The following DPYSL3 variants were observed in gnomAD, a reference collection of about 807,000 sequenced individuals.
The protein encoded by DPYSL3 is dihydropyrimidinase like 3, also known as dihydropyrimidinase-related protein 3.
A neutral mutation model predicts 66.1 loss-of-function variants in DPYSL3; 16 were observed. The ratio of observed to expected loss-of-function variants is 0.24; its 90% CI spans 0.16 to 0.37. DPYSL3 has a LOEUF of 0.37. Ranked by LOEUF, DPYSL3 falls within the 10% of genes least tolerant of loss-of-function variation. DPYSL3 has a pLI of 1.00. For missense variants in DPYSL3, 738 were observed against 916.2 expected, an observed-to-expected ratio of 0.81 and a Z score of 2.51; for synonymous variants, 338 against 345.1, an observed-to-expected ratio of 0.98 and a Z score of 0.23.
chr5:147,442,268 C>G (rs957843256), intron 1 of DPYSL3, among the ~76,000 whole-genome samples: 1 of 152,222 alleles, frequency 6.6e-6, no homozygotes, highest in African/African-American at 2.4e-5. Flanking sequence ...TGTTTCCTCT[C>G]CAGCTGCGTA....
At chr5:147,461,445 C>T (rs1561796568) in intron 1 of DPYSL3, among the ~76,000 whole-genome samples, 1 of 152,146 alleles carries the variant, frequency 6.6e-6, no homozygotes, top group African/African-American at 2.4e-5. Flanking sequence ...CCATTTGGGA[C>T]CCCTCTCTCT....
chr5:147,495,628 T>G (rs1753489592), intron 1 of DPYSL3, among the ~76,000 whole-genome samples: 1 of 152,164 alleles, frequency 6.6e-6, no homozygotes, highest in Non-Finnish European at 1.5e-5. Flanking sequence ...AGCCAAATCA[T>G]GAGTGAACTC....
chr5:147,465,191 C>G (rs1271904473), intron 1 of DPYSL3, among the ~76,000 whole-genome samples: 1 of 152,098 alleles, frequency 6.6e-6, no homozygotes, highest in Non-Finnish European at 1.5e-5. Context: ...GAGATCCTGT[C>G]TCTCTCAAAA....
rs1379907448 is a variant in DPYSL3 at position 147,412,667 on chromosome 5, G to C, written c.904C>G (p.Leu302Val). 1 of 1,612,310 alleles carries C rather than the reference G, an allele frequency of 6.2e-7. No homozygotes were observed. The highest frequency in any genetic ancestry group is 8.5e-7 in the Non-Finnish European group (1 of 1,179,220). Residue 302 changes from leucine (L) to valine (V), a missense_variant, in exon 6 of 14, where the codon CTG (leucine) becomes GTG (valine). Physicochemically the swap from Leu to Val is conservative, Grantham distance 32. Transcript: ENST00000343218. ...TGAGCAATGGCCCCCAGCTCTCCCA[G>C]GCAGGTGAAGATCTCATAGAGCTGA... The part of the protein sequence containing the change: ...NTELYEIFTC[L>V]GELGAIAQVH...
At chr5:147,404,392 C>T (rs6861479) in intron 8 of DPYSL3, among the ~76,000 whole-genome samples, 9,137 of 152,302 alleles carry the variant, frequency 0.06, 885 homozygotes, top group African/African-American at 0.2. Context: ...CATCTGAACA[C>T]TCAGCCATCA....
At chr5:147,424,656 T>G (rs150603882) in intron 2 of DPYSL3, among the ~76,000 whole-genome samples, 403 of 152,338 alleles carry the variant, frequency 2.6e-3, no homozygotes, top group African/African-American at 8.2e-3. Context: ...GTGCACATTT[T>G]CCAGTATCCT....
chr5:147,509,776 T>C lies in DPYSL3; in HGVS notation c.83A>G (p.Gln28Arg). ...GCCGCCGTATTTCTGCCGCGGGACCTGGTCCGTGGTGCCCGGCCTGGCCAG... is the reference window on the plus strand; with the variant it reads ...GCCGCCGTATTTCTGCCGCGGGACCCGGTCCGTGGTGCCCGGCCTGGCCAG... ...VYLARPGTTD[Q>R]VPRQKYGGMF... is the part of the protein sequence containing the mutation. Residue 28 changes from glutamine (Q) to arginine (R), a missense_variant, in exon 1 of 14, where the codon CAG (glutamine) becomes CGG (arginine). Coordinates refer to ENST00000343218, the MANE Select transcript of DPYSL3 (RefSeq NM_001197294.2). The surrounding 1 kb of genome is among the most constrained non-coding windows in gnomAD (Gnocchi z 5.3). 1 of 1,535,976 alleles carries C rather than the reference T, an allele frequency of 6.5e-7. No homozygotes were observed. The highest frequency in any genetic ancestry group is 8.7e-7 in the Non-Finnish European group (1 of 1,146,796).
chr5:147,458,205 G>A (rs1237647112), intron 1 of DPYSL3, among the ~76,000 whole-genome samples: 2 of 152,040 alleles, frequency 1.3e-5, no homozygotes, highest in African/African-American at 4.8e-5. Flanking sequence ...AGAGGAGGTC[G>A]GCACAAGATA....
intron 11 of DPYSL3, 141 bp from the exon 12 acceptor site, chr5:147,397,986 C>T: frequency 1.2e-6 from 1 of 825,312 alleles, no homozygotes; most frequent in South Asian, 2.3e-5. Context: ...TGCAAGCATC[C>T]AGTGGGTAGA....
intron 3 of DPYSL3, among the ~76,000 whole-genome samples, chr5:147,417,619 A>T (rs1318856603): frequency 1.3e-5 from 2 of 152,180 alleles, no homozygotes; most frequent in African/African-American, 4.8e-5. Context: ...GTTTGGGGCC[A>T]GCACTGGGAT....
At chr5:147,397,229 G>GAAAC (rs10649833) in intron 12 of DPYSL3, among the ~76,000 whole-genome samples, 67,767 of 150,562 alleles carry the variant, frequency 0.45, 15,986 homozygotes, top group African/African-American at 0.56. Context: ...TAAAATCAGA[G>GAAAC]AAATAAAGTT....
intron 1 of DPYSL3, among the ~76,000 whole-genome samples, chr5:147,500,184 T>C (rs145130832): frequency 2.5e-3 from 375 of 152,284 alleles, no homozygotes; most frequent in African/African-American, 8.6e-3. Context: ...CTGGACTATA[T>C]TAAAATTAAA....
chr5:147,455,597 T>A (rs1752836833), intron 1 of DPYSL3, among the ~76,000 whole-genome samples: 1 of 152,184 alleles, frequency 6.6e-6, no homozygotes, highest in Admixed American at 6.5e-5. Flanking sequence ...CAGGATTATA[T>A]TTAGAACAGA....
chr5:147,428,543 C>T (rs1752243652), intron 1 of DPYSL3, among the ~76,000 whole-genome samples: 1 of 152,042 alleles, frequency 6.6e-6, no homozygotes, highest in South Asian at 2.1e-4. Flanking sequence ...AATCAAACCC[C>T]ACTGGACACA....
chr5:147,406,391 C>G (rs1355304377), intron 7 of DPYSL3, among the ~76,000 whole-genome samples: 3 of 152,214 alleles, frequency 2.0e-5, no homozygotes, highest in Non-Finnish European at 4.4e-5. Context: ...AGCTGAGGCT[C>G]TCTCAGATGG....
intron 1 of DPYSL3, among the ~76,000 whole-genome samples, chr5:147,476,755 A>C (rs1043568196): frequency 1.3e-5 from 2 of 152,200 alleles, no homozygotes; most frequent in African/African-American, 4.8e-5. Flanking sequence ...GTAACAATAG[A>C]AGACCCTCAG....
intron 1 of DPYSL3, among the ~76,000 whole-genome samples, chr5:147,480,433 T>C (rs973662570): frequency 4.6e-5 from 7 of 151,910 alleles, no homozygotes; most frequent in African/African-American, 9.7e-5. Flanking sequence ...ACTTCCAACA[T>C]GTGTATAATC....
At chr5:147,480,964 C>T (rs1456031332) in intron 1 of DPYSL3, among the ~76,000 whole-genome samples, 1 of 152,012 alleles carries the variant, frequency 6.6e-6, no homozygotes, top group Non-Finnish European at 1.5e-5. Flanking sequence ...TCAGGTGATC[C>T]ACCCACCTTG....
intron 1 of DPYSL3, among the ~76,000 whole-genome samples, chr5:147,447,789 G>T (rs1752654596): frequency 6.6e-6 from 1 of 152,160 alleles, no homozygotes; most frequent in South Asian, 2.1e-4. Context: ...CGTGAGCTGA[G>T]ATCGCGCCAC....
Sources: gnomAD v4.1 joint callset for allele counts (sites outside exome capture counted in the v4.1 genomes callset) on GRCh38, gnomAD v4.1.1 for gene constraint, Gnocchi (gnomAD v3.1) non-coding constraint, MANE v1.5 for transcripts, NCBI Gene and HGNC (gene_info 2026-07-23, HGNC 2026-07-21) for gene names.